Variants in AK7 observed in about 807,000 individuals in gnomAD.
AK7 encodes the protein ATP-AMP transphosphorylase 7.
In AK7, 78 loss-of-function variants were observed where a neutral mutation model predicts 96.6. That is an observed-to-expected ratio of 0.81 (90% CI 0.67 to 0.97). AK7 has a LOEUF of 0.97. Among genes scored for constraint, AK7 ranks in the 50% least tolerant of loss-of-function variants. The probability of loss-of-function intolerance (pLI) is 0.00; values close to 1 mark genes in which losing one functional copy is unlikely to be tolerated. For synonymous variants in AK7, 302 were observed against 317.2 expected (o/e 0.95, Z 0.51); for missense variants, 855 against 887.9 (o/e 0.96, Z 0.47).
intron 4 of AK7, among the ~76,000 whole-genome samples, chr14:96,417,127 C>A (rs1228287993): frequency 1.3e-5 from 2 of 152,200 alleles, no homozygotes; most frequent in Admixed American, 1.3e-4. Flanking sequence ...CCTGGCCCAG[C>A]ATGCCATGTG....
chr14:96,460,282 A>T (rs1894181141), intron 12 of AK7, among the ~76,000 whole-genome samples: 1 of 152,186 alleles, frequency 6.6e-6, no homozygotes, highest in Admixed American at 6.5e-5. Context: ...CTCCTCCATC[A>T]TCTGGTTATT....
At chr14:96,411,401 CTCAGG>C (rs1473822897) in intron 4 of AK7, among the ~76,000 whole-genome samples, 1 of 151,922 alleles carries the variant, frequency 6.6e-6, no homozygotes. Context: ...GTCCCAGTTA[CTCAGG>C]AGGCTGAGGT....
intron 3 of AK7, among the ~76,000 whole-genome samples, chr14:96,407,675 G>T (rs1890798277): frequency 6.7e-6 from 1 of 148,742 alleles, no homozygotes; most frequent in Non-Finnish European, 1.5e-5. Flanking sequence ...TCCGCCTCCC[G>T]GGTACACGCC....
chr14:96,486,497 A>T (rs1223051481), intron 16 of AK7, among the ~76,000 whole-genome samples: 3 of 152,212 alleles, frequency 2.0e-5, no homozygotes, highest in Non-Finnish European at 4.4e-5. Flanking sequence ...TCCCACTCAA[A>T]CCAAACCACT....
At chr14:96,418,598 A>T (rs1191960373) in intron 4 of AK7, among the ~76,000 whole-genome samples, 1 of 152,084 alleles carries the variant, frequency 6.6e-6, no homozygotes, top group Non-Finnish European at 1.5e-5. Context: ...GGCTCACTGC[A>T]ACCTCAGCCT....
intron 12 of AK7, 73 bp downstream of exon 12, chr14:96,458,285 G>C: frequency 2.6e-6 from 4 of 1,544,746 alleles, no homozygotes; most frequent in Non-Finnish European, 3.5e-6. Context: ...GGTTATAAAA[G>C]ACTGTTTAAA....
intron 11 of AK7, 96 bp downstream of exon 11, chr14:96,456,571 G>T: frequency 7.0e-7 from 1 of 1,438,708 alleles, no homozygotes; most frequent in South Asian, 1.3e-5. Context: ...CCAGCTGGAT[G>T]CAGTTTAGAT....
chr14:96,425,843 G>A lies in AK7; in HGVS notation c.609+4911G>A, dbSNP rs911428129. On this transcript the variant is annotated intron_variant, in intron 5 of 17. Transcript: ENST00000267584. ...AGTATAGTGACTCCTGCTTCTTTTT[G>A]GTTTCCATTGGCATGGAATATCTTT... Among the ~76,000 whole-genome samples, 14 of 152,018 alleles carry A rather than the reference G, an allele frequency of 9.2e-5. No homozygotes were observed. The East Asian group carries it at 2.7e-3, about 29-fold the overall frequency.
intron 5 of AK7, among the ~76,000 whole-genome samples, chr14:96,430,137 A>G (rs1354574135): frequency 6.6e-6 from 1 of 151,508 alleles, no homozygotes; most frequent in Admixed American, 6.6e-5. Flanking sequence ...GATACGTTCC[A>G]TCAATACCTA....
chr14:96,423,579 AGG>A (rs1318902948), intron 5 of AK7: 5 of 491,862 alleles, frequency 1.0e-5, no homozygotes, highest in Non-Finnish European at 1.9e-5. Context: ...CTCAGTGCTC[AGG>A]TCTTGTCTGT....
chr14:96,444,997 C>T (rs989209618), intron 7 of AK7, among the ~76,000 whole-genome samples: 3 of 152,216 alleles, frequency 2.0e-5, no homozygotes, highest in African/African-American at 4.8e-5. Context: ...GGATTACAGG[C>T]GTGAGCCACC....
At chr14:96,483,270 G>C (rs563766508) in intron 16 of AK7, 51 bp downstream of exon 16, 29 of 1,537,230 alleles carry the variant, frequency 1.9e-5, no homozygotes, top group Non-Finnish European at 2.1e-5. Flanking sequence ...ACAGGGGTGC[G>C]GTGCCTGGCA....
At chr14:96,440,603 C>T (rs1178105014) in intron 6 of AK7, among the ~76,000 whole-genome samples, 4 of 152,180 alleles carry the variant, frequency 2.6e-5, no homozygotes, top group South Asian at 2.1e-4. Flanking sequence ...CATCCCCAAA[C>T]CTGCTCCTCC....
chr14:96,468,073 C>CAAAAAAAA (rs35563628), intron 12 of AK7, among the ~76,000 whole-genome samples: 2 of 79,132 alleles, frequency 2.5e-5, no homozygotes, highest in South Asian at 4.3e-4. Flanking sequence ...CCCGTCTCTA[C>CAAAAAAAA]AAAAAAAAAA....
At chr14:96,454,608 C>T (rs1362470346) in intron 10 of AK7, among the ~76,000 whole-genome samples, 1 of 151,820 alleles carries the variant, frequency 6.6e-6, no homozygotes, top group Non-Finnish European at 1.5e-5. Flanking sequence ...CCTGGGCCAC[C>T]AAGTAGCTGG....
chr14:96,439,222 T>G (rs1294347295), intron 6 of AK7, among the ~76,000 whole-genome samples: 3 of 151,960 alleles, frequency 2.0e-5, no homozygotes, highest in Non-Finnish European at 4.4e-5. Flanking sequence ...CATCAACTAC[T>G]GAATGAATAT....
intron 4 of AK7, among the ~76,000 whole-genome samples, chr14:96,418,690 T>C (rs1595389158): frequency 6.6e-6 from 1 of 152,030 alleles, no homozygotes; most frequent in Non-Finnish European, 1.5e-5. Flanking sequence ...AGCTAATTTA[T>C]GTATTTTTAG....
At chr14:96,451,592 T>G in intron 10 of AK7, 22 bp downstream of exon 10, 1 of 1,423,648 alleles carries the variant, frequency 7.0e-7, no homozygotes, top group Middle Eastern at 1.9e-4. Flanking sequence ...TGTTTCCCAC[T>G]GAAACTTCTG....
At chr14:96,419,784 C>CT (rs11449244) in intron 4 of AK7, among the ~76,000 whole-genome samples, 28,610 of 101,336 alleles carry the variant, frequency 0.28, 4,931 homozygotes, top group East Asian at 0.54. Flanking sequence ...TTTTTTCTTT[C>CT]TTTTCTTTTT....
Sources: allele counts gnomAD v4.1 joint callset (sites outside exome capture counted in the v4.1 genomes callset), GRCh38; gene constraint gnomAD v4.1.1; transcripts MANE v1.5; gene names NCBI Gene and HGNC (gene_info 2026-07-23, HGNC 2026-07-21).